The following CAMKK1 variants were observed in gnomAD, a reference collection of about 807,000 sequenced individuals.
CAMKK1 encodes calcium/calmodulin dependent protein kinase kinase 1.
A neutral mutation model predicts 63.5 loss-of-function variants in CAMKK1; 20 were observed. The ratio of observed to expected loss-of-function variants is 0.32; its 90% CI spans 0.22 to 0.46. The LOEUF (loss-of-function observed/expected upper bound fraction) is 0.46, where lower values mean the gene tolerates loss of function less well. CAMKK1 is among the 20% of genes least tolerant of loss of function. The pLI is 1.00. For synonymous variants in CAMKK1, 253 were observed against 269.0 expected, an observed-to-expected ratio of 0.94 and a Z score of 0.58; for missense variants, 588 against 658.1, an observed-to-expected ratio of 0.89 and a Z score of 1.17.
intron 15 of CAMKK1, chr17:3,865,048 C>A: frequency 1.2e-6 from 1 of 855,152 alleles, no homozygotes; most frequent in South Asian, 5.4e-5. Context: ...CCCAAAGCTT[C>A]CCTCCGGGGC....
At position 3,885,324 on chromosome 17, in the gene CAMKK1, C is replaced by G; in HGVS notation, c.360+4G>C. ...TGAACAACCCCTCGTTCTGCCCCAC[C>G]AACCTCTGCATCTGAGATGGCCACG... On this transcript the variant is annotated splice_donor_region_variant and intron_variant, in intron 2 of 15. Coordinates refer to ENST00000348335, the MANE Select transcript of CAMKK1 (RefSeq NM_032294.3). 6.3e-7 allele frequency: 1 copy of G among 1,582,668 alleles called. No homozygotes were observed. The highest frequency in any genetic ancestry group is 8.6e-7 in the Non-Finnish European group (1 of 1,161,494).
chr17:3,882,910 G>A lies in CAMKK1; in HGVS notation c.648+132C>T. On this transcript the variant is annotated intron_variant, in intron 6 of 15. Transcript: ENST00000348335. The surrounding 1 kb of genome is among the most constrained non-coding windows in gnomAD (Gnocchi z 4.3). ...GCAGCCCCACCCCAAGTCTGGCCCT[G>A]TCCTCAGAGGCCTCAGCCACATCTG... is the stretch of plus-strand genomic sequence containing the variant. The A allele has an allele frequency of 8.2e-7, 1 of 1,216,738 alleles. No homozygotes were observed. The highest frequency in any genetic ancestry group is 1.1e-6 in the Non-Finnish European group (1 of 872,862). 75.4% of individuals were successfully genotyped at this position (1,216,738 alleles called of 1,614,324 possible).
chr17:3,883,071 C>A lies in CAMKK1; in HGVS notation c.619G>T (p.Asp207Tyr), dbSNP rs1352392647. 1 of 1,613,880 alleles carries A rather than the reference C, an allele frequency of 6.2e-7. No homozygotes were observed. Among genetic ancestry groups the A allele is most frequent in the African/African-American group, 1.3e-5 (1 of 74,918 alleles). Residue 207 changes from aspartate to tyrosine, a missense_variant, in exon 6 of 16, where the codon GAC (aspartate) becomes TAC (tyrosine). Asp to Tyr is a radical substitution (Grantham distance 160). Around this residue, in one of 3 missense-constraint regions of CAMKK1, gnomAD observed 357 missense variants for 407.4 expected, o/e 0.88. Coordinates refer to ENST00000348335, the MANE Select transcript of CAMKK1 (RefSeq NM_032294.3). The surrounding 1 kb of genome is among the most constrained non-coding windows in gnomAD (Gnocchi z 4.7). ...ATCAGTTTGACCACATTCACGTGGT[C>A]CAGCTTCTTCAGGATGGCAATCTCC... Reference protein sequence around the residue: ...YQEIAILKKLDHVNVVKLIEV... With the variant: ...YQEIAILKKLYHVNVVKLIEV...
At position 3,887,562 on chromosome 17, in the gene CAMKK1, TG is replaced by T. The variant is rs1476657733; in HGVS notation, c.-43-1833del. Reference sequence around the variant, plus strand: ...GAGGGCAGGAGACAGTGAGTGCGGCTGTGGCACAAGGAGGCCTCCCTGGAGG... The same window carrying T: ...GAGGGCAGGAGACAGTGAGTGCGGCTTGGCACAAGGAGGCCTCCCTGGAGG... On this transcript the variant is annotated intron_variant, in intron 1 of 15. Transcript: ENST00000348335. The surrounding 1 kb of genome is among the most constrained non-coding windows in gnomAD (Gnocchi z 6.1). Among the ~76,000 whole-genome samples, 1 of 149,154 alleles carries T rather than the reference TG, an allele frequency of 6.7e-6. No homozygotes were observed. The highest frequency in any genetic ancestry group is 6.6e-5 in the Admixed American group (1 of 15,052).
rs1030848739 is a variant in CAMKK1 at position 3,889,412 on chromosome 17, G to C, written c.-44+3527C>G. 6.6e-6 allele frequency among the ~76,000 whole-genome samples: 1 copy of C among 152,096 alleles called. No homozygotes were observed. The highest frequency in any genetic ancestry group is 1.5e-5 in the Non-Finnish European group (1 of 68,006). ...TGCGGCCGTGAACAGCCAGACTCAA[G>C]CCCTCCCTCATTGGGAAAAACTACT... is the stretch of plus-strand genomic sequence containing the variant. On this transcript the variant is annotated intron_variant, in intron 1 of 15. Transcript: ENST00000348335. The surrounding 1 kb of genome is among the most constrained non-coding windows in gnomAD (Gnocchi z 5.2).
Position 3,887,207 on chromosome 17 carries a change from T to C in CAMKK1, c.-43-1477A>G, listed in dbSNP as rs552656740. Among the ~76,000 whole-genome samples, 82 of 152,300 alleles carry C rather than the reference T, an allele frequency of 5.4e-4. No individual in the cohort carries two copies. The highest frequency in any genetic ancestry group is 1.7e-3 in the African/African-American group (70 of 41,574). ...CGACTCTGAGCCCCAGTCTCCCGAC[T>C]TGTCCTGTGGATTCCCTGCCTTCCC... is the stretch of plus-strand genomic sequence containing the variant. On this transcript the variant is annotated intron_variant, in intron 1 of 15. Transcript: ENST00000348335. The surrounding 1 kb of genome is among the most constrained non-coding windows in gnomAD (Gnocchi z 6.1).
At chr17:3,886,034 A>C (rs2055635935) in intron 1 of CAMKK1, among the ~76,000 whole-genome samples, 1 of 152,264 alleles carries the variant, frequency 6.6e-6, no homozygotes, top group Non-Finnish European at 1.5e-5. Context: ...ACAGGGCAGA[A>C]GCCTGGAGGC....
At chr17:3,871,300 C>T (rs923678779) in intron 12 of CAMKK1, among the ~76,000 whole-genome samples, 23 of 149,042 alleles carry the variant, frequency 1.5e-4, no homozygotes, top group African/African-American at 3.7e-4. Context: ...GTACAAGTCC[C>T]GTTTCATTTT....
chr17:3,887,492 G>A lies in CAMKK1; in HGVS notation c.-43-1762C>T, dbSNP rs890159767. 2.0e-5 allele frequency among the ~76,000 whole-genome samples: 3 copies of A among 151,086 alleles called. No homozygotes were observed. The highest frequency in any genetic ancestry group is 6.6e-5 in the Admixed American group (1 of 15,214). Reference sequence around the variant, plus strand: ...TCCCTGGAGGAGGTGAAGGAGGTGAGGAGGCTGAGTGAGGCTAGAGTATCA... The same window carrying A: ...TCCCTGGAGGAGGTGAAGGAGGTGAAGAGGCTGAGTGAGGCTAGAGTATCA... On this transcript the variant is annotated intron_variant, in intron 1 of 15. Coordinates refer to ENST00000348335, the MANE Select transcript of CAMKK1 (RefSeq NM_032294.3). The surrounding 1 kb of genome is among the most constrained non-coding windows in gnomAD (Gnocchi z 6.1).
chr17:3,867,139 T>C (rs1304960237), intron 14 of CAMKK1, among the ~76,000 whole-genome samples: 1 of 152,068 alleles, frequency 6.6e-6, no homozygotes, highest in African/African-American at 2.4e-5. Flanking sequence ...GGCGATGAGG[T>C]GTGAAGCAGG....
Position 3,883,036 on chromosome 17 carries a change from C to G in CAMKK1, c.648+6G>C. ...TGGTTCCCACCTGCTCACCACCACCCCCTACCTCGATCAGTTTGACCACAT... is the reference window on the plus strand; with the variant it reads ...TGGTTCCCACCTGCTCACCACCACCGCCTACCTCGATCAGTTTGACCACAT... On this transcript the variant is annotated splice_donor_region_variant and intron_variant, in intron 6 of 15. Transcript: ENST00000348335. This position sits in a 1 kb window ranked among gnomAD's most constrained non-coding sequence, Gnocchi z 4.7. 6.2e-7 allele frequency: 1 copy of G among 1,613,816 alleles called. No individual in the cohort carries two copies. The highest frequency in any genetic ancestry group is 1.3e-5 in the African/African-American group (1 of 75,050).
At chr17:3,870,963 G>C (rs548872192) in intron 12 of CAMKK1, among the ~76,000 whole-genome samples, 3 of 152,274 alleles carry the variant, frequency 2.0e-5, no homozygotes, top group Admixed American at 1.3e-4. Context: ...GGCCCCAGAC[G>C]AGCGGGTGGC....
chr17:3,871,542 G>C (rs965424378), intron 12 of CAMKK1, among the ~76,000 whole-genome samples: 2 of 149,666 alleles, frequency 1.3e-5, no homozygotes, highest in South Asian at 2.1e-4. Flanking sequence ...ATTTTTAGTA[G>C]AGATGGGGTT....
rs200680352 is a variant in CAMKK1 at position 3,876,216 on chromosome 17, G to A, written c.996+7C>T. On this transcript the variant is annotated splice_region_variant and intron_variant, in intron 10 of 15. Coordinates refer to ENST00000348335, the MANE Select transcript of CAMKK1 (RefSeq NM_032294.3). ...AACCCCAGCCTGGCCCAGGGCCTGC[G>A]AGTCACCTTCCCACTGAAGCTCTGG... 13 of 1,612,992 alleles carry A rather than the reference G, an allele frequency of 8.1e-6. No homozygotes were observed. Among genetic ancestry groups the A allele is most frequent in the African/African-American group, 6.7e-5 (5 of 74,910 alleles).
In CAMKK1 at chr17:3,862,143, A is replaced by G. The variant is rs2054348284; in HGVS notation, c.*68T>C. On this transcript the variant is annotated 3_prime_UTR_variant, in exon 16 of 16. Transcript: ENST00000348335. The surrounding 1 kb of genome is among the most constrained non-coding windows in gnomAD (Gnocchi z 4.1). ...CCCTGCCTGCGGGGGCGGCTGTTGCATGAGGGGTGGGCCTCTGGAGGCGCG... is the reference window on the plus strand; with the variant it reads ...CCCTGCCTGCGGGGGCGGCTGTTGCGTGAGGGGTGGGCCTCTGGAGGCGCG... 1.5e-6 allele frequency: 2 copies of G among 1,358,760 alleles called. No homozygotes were observed. Among genetic ancestry groups the G allele is most frequent in the Non-Finnish European group, 2.0e-6 (2 of 981,400 alleles). The allele number at this position is 1,358,760 out of a possible 1,614,324, so 84.2% of individuals were successfully genotyped here.
chr17:3,866,754 T>C (rs974652458), intron 14 of CAMKK1, among the ~76,000 whole-genome samples: 2 of 152,014 alleles, frequency 1.3e-5, no homozygotes, highest in African/African-American at 4.8e-5. Flanking sequence ...GTTTTGCTCT[T>C]GTTGCCCAGG....
chr17:3,871,738 T>C (rs113107784), intron 12 of CAMKK1, among the ~76,000 whole-genome samples: 13,418 of 146,216 alleles, frequency 0.092, 1,603 homozygotes, highest in African/African-American at 0.27. Context: ...CTCTGCCTCC[T>C]GGGTTCAAGC....
chr17:3,881,893 A>G (rs1367962069), intron 7 of CAMKK1: 2 of 551,928 alleles, frequency 3.6e-6, no homozygotes, highest in Non-Finnish European at 6.4e-6. Flanking sequence ...GGGCCCTTTT[A>G]CAGAGGGGGA....
At chr17:3,881,783 C>T in intron 7 of CAMKK1, 135 bp from the exon 8 acceptor site, 1 of 762,868 alleles carries the variant, frequency 1.3e-6, no homozygotes, top group Non-Finnish European at 2.3e-6. Context: ...ACAGGGGACC[C>T]TGGGATATGA....
Sources: allele counts gnomAD v4.1 joint callset (sites outside exome capture counted in the v4.1 genomes callset), GRCh38; gene constraint gnomAD v4.1.1; regional missense constraint gnomAD v4.1.1; non-coding constraint Gnocchi (gnomAD v3.1); transcripts MANE v1.5; gene names NCBI Gene and HGNC (gene_info 2026-07-23, HGNC 2026-07-21).